The following MASTL variants were observed in gnomAD, a reference collection of about 807,000 sequenced individuals.
MASTL encodes microtubule associated serine/threonine kinase like.
MASTL carries 54 observed loss-of-function variants against 82.5 expected under a neutral mutation model. That is an observed-to-expected ratio of 0.65 (90% CI 0.53 to 0.82). The LOEUF is 0.82. Among genes scored for constraint, MASTL ranks in the 40% least tolerant of loss-of-function variants. MASTL has a pLI of 0.00. For synonymous variants in MASTL, 323 were observed against 368.9 expected (o/e 0.88, Z 1.43); for missense variants, 950 against 1,047.8 (o/e 0.91, Z 1.29).
intron 1 of MASTL, among the ~76,000 whole-genome samples, chr10:27,156,471 C>G (rs1232135259): frequency 6.6e-6 from 1 of 152,056 alleles, no homozygotes; most frequent in Non-Finnish European, 1.5e-5. Flanking sequence ...TTATTCTTAA[C>G]CAGAAGAAAG....
rs972792783 is a variant in MASTL, at chr10:27,187,473, C to T, written c.*937C>T. 3.3e-5 allele frequency among the ~76,000 whole-genome samples: 5 copies of T among 152,126 alleles called. No homozygotes were observed. The highest frequency in any genetic ancestry group is 9.7e-5 in the African/African-American group (4 of 41,440). On this transcript the variant is annotated 3_prime_UTR_variant, in exon 12 of 12. Transcript: ENST00000375940. ...ATTTGTTTAAAATGGTACTGGAGGA[C>T]GGGTGCGATGGCTCATGCCTGTAAT...
chr10:27,158,124 C>T (rs892340568), intron 1 of MASTL, among the ~76,000 whole-genome samples: 1 of 152,034 alleles, frequency 6.6e-6, no homozygotes, highest in African/African-American at 2.4e-5. Context: ...ATTTTTTGTA[C>T]GTGCTTTCCT....
At chr10:27,184,009 G>A (rs892861594) in intron 11 of MASTL, among the ~76,000 whole-genome samples, 1 of 152,080 alleles carries the variant, frequency 6.6e-6, no homozygotes, top group East Asian at 1.9e-4. Context: ...ACCACGCCTG[G>A]CCCAGTTTGT....
chr10:27,183,758 C>T (rs1302758594), intron 11 of MASTL, among the ~76,000 whole-genome samples: 1 of 151,846 alleles, frequency 6.6e-6, no homozygotes, highest in African/African-American at 2.4e-5. Context: ...GGGTCTGTCG[C>T]CCAGGCTGGA....
At chr10:27,168,278 C>G (rs1360559109) in intron 7 of MASTL, among the ~76,000 whole-genome samples, 1 of 152,108 alleles carries the variant, frequency 6.6e-6, no homozygotes, top group Non-Finnish European at 1.5e-5. Flanking sequence ...AAACAGATTT[C>G]CATTCCCAGT....
At chr10:27,155,259 C>G, upstream of MASTL, 1 of 672,692 alleles carries the variant, frequency 1.5e-6, no homozygotes, top group Non-Finnish European at 2.5e-6. Flanking sequence ...TTTCCCGACG[C>G]CCCCTCCGTC....
rs770275962 is a variant in MASTL, at chr10:27,165,519, C to G, written c.791C>G (p.Ser264Cys). ...GATCAAAAGGACACTACGCCTTATT[C>G]TAGCAAATTACTAAAATCATGTGAG... Reference protein sequence around the residue: ...SVDQKDTTPYSSKLLKSCLET... With the variant: ...SVDQKDTTPYCSKLLKSCLET... The change falls in exon 6 of 12, where the codon TCT becomes TGT. Residue 264 changes from serine to cysteine, a missense_variant. Coordinates refer to ENST00000375940, the MANE Select transcript of MASTL (RefSeq NM_001172303.3). The G allele has an allele frequency of 6.2e-6, 10 of 1,614,128 alleles. No individual in the cohort carries two copies. Among genetic ancestry groups the G allele is most frequent in the Non-Finnish European group, 8.5e-6 (10 of 1,180,020 alleles).
rs752802998 is a variant in MASTL, at chr10:27,167,257, T to A, written c.967T>A (p.Trp323Arg). The change falls in exon 7 of 12, where the codon TGG becomes AGG. Residue 323 changes from tryptophan (W) to arginine (R), a missense_variant. Trp to Arg is a moderately radical substitution (Grantham distance 101, BLOSUM62 -3). Transcript: ENST00000375940. The part of the protein sequence containing the change: ...VESECHSSPK[W>R]EKDCQESDEA... ...ATCAGAATGCCACAGCAGTCCCAAA[T>A]GGGAAAAAGATTGCCAGGTTTGAGG... The A allele has an allele frequency of 1.9e-6, 3 of 1,613,950 alleles. No homozygotes were observed. In the South Asian group the frequency reaches 3.3e-5, roughly 18 times the overall value.
chr10:27,186,084 G>A lies in MASTL; in HGVS notation c.2483-295G>A, dbSNP rs188999060. 9.0e-3 allele frequency among the ~76,000 whole-genome samples: 1,314 copies of A among 146,620 alleles called. 12 individuals are homozygous for A. Among genetic ancestry groups the A allele is most frequent in the Non-Finnish European group, 0.014 (945 of 67,958 alleles). On this transcript the variant is annotated intron_variant, in intron 11 of 11. Coordinates refer to ENST00000375940, the MANE Select transcript of MASTL (RefSeq NM_001172303.3). ...AGCCTGGGCAACGGAGCGAGACCTC[G>A]TCTCAAAAAAAAAGCTGTGAGAAAG...
intron 9 of MASTL, among the ~76,000 whole-genome samples, chr10:27,175,485 C>A (rs1319337281): frequency 6.6e-6 from 1 of 152,096 alleles, no homozygotes; most frequent in East Asian, 1.9e-4. Flanking sequence ...CCCGGCCTAA[C>A]TGAAACTTCT....
At chr10:27,179,011 A>G (rs1023695094) in intron 9 of MASTL, among the ~76,000 whole-genome samples, 3 of 152,146 alleles carry the variant, frequency 2.0e-5, no homozygotes, top group African/African-American at 4.8e-5. Flanking sequence ...AGATTCCACA[A>G]TGCTTTCCTA....
Position 27,159,542 on chromosome 10 carries a change from A to G in MASTL, c.325-77A>G. ...TTACAGAGCCATGCCAAATATTGTA[A>G]CTGTAATGCCCAAATACTAGATTTT... On this transcript the variant is annotated intron_variant, in intron 2 of 11. Transcript: ENST00000375940. This position sits in a 1 kb window ranked among gnomAD's most constrained non-coding sequence, Gnocchi z 4.0. 1 of 1,037,458 alleles carries G rather than the reference A, an allele frequency of 9.6e-7. No homozygotes were observed. Among genetic ancestry groups the G allele is most frequent in the Admixed American group, 1.9e-5 (1 of 53,678 alleles). The allele number at this position is 1,037,458 out of a possible 1,614,324, so 64.3% of individuals were successfully genotyped here.
At chr10:27,167,806 G>A (rs1426851288) in intron 7 of MASTL, among the ~76,000 whole-genome samples, 2 of 152,128 alleles carry the variant, frequency 1.3e-5, no homozygotes, top group Non-Finnish European at 2.9e-5. Context: ...CTTACTTAAA[G>A]TCACTTTACT....
intron 4 of MASTL, among the ~76,000 whole-genome samples, 184 bp from the exon 5 acceptor site, chr10:27,164,880 C>T (rs1174899337): frequency 6.6e-6 from 1 of 152,030 alleles, no homozygotes; most frequent in East Asian, 1.9e-4. Flanking sequence ...TCAAGTGATC[C>T]ATCTGCCTCA....
At chr10:27,185,655 G>C (rs2058672159) in intron 11 of MASTL, among the ~76,000 whole-genome samples, 1 of 149,938 alleles carries the variant, frequency 6.7e-6, no homozygotes, top group Non-Finnish European at 1.5e-5. Context: ...AGGCATGGTA[G>C]CACTCACCTG....
chr10:27,182,246 C>A (rs867496385), intron 11 of MASTL, among the ~76,000 whole-genome samples: 391 of 135,166 alleles, frequency 2.9e-3, no homozygotes, highest in African/African-American at 3.0e-3. Flanking sequence ...GACTCTGTCT[C>A]AAAAAAAAAA....
chr10:27,167,040 C>T, intron 6 of MASTL, 62 bp from the exon 7 acceptor site: 1 of 1,294,130 alleles, frequency 7.7e-7, no homozygotes, highest in Non-Finnish European at 1.1e-6. Context: ...TGTAAAGATT[C>T]AGGTTCAGTA....
At chr10:27,166,976 ATGTAATT>A in intron 6 of MASTL, 119 bp from the exon 7 acceptor site, 14 of 115,742 alleles carry the variant, frequency 1.2e-4, no homozygotes, top group South Asian at 8.5e-4. Flanking sequence ...TAGTTCTGAT[ATGTAATT>A]CTTAATACAT....
intron 11 of MASTL, among the ~76,000 whole-genome samples, chr10:27,183,590 T>C (rs774360472): frequency 6.6e-6 from 1 of 152,142 alleles, no homozygotes. Context: ...TATGGTAATA[T>C]AGAGAAAAGC....
Sources: allele counts gnomAD v4.1 joint callset (sites outside exome capture counted in the v4.1 genomes callset), GRCh38; gene constraint gnomAD v4.1.1; non-coding constraint Gnocchi (gnomAD v3.1); transcripts MANE v1.5; gene names NCBI Gene and HGNC (gene_info 2026-07-23, HGNC 2026-07-21).